Variants in TRABD2B observed in about 807,000 individuals in gnomAD.
TRABD2B encodes the protein metalloprotease TIKI2.
In TRABD2B, 14 loss-of-function variants were observed where a neutral mutation model predicts 40.1. The ratio of observed to expected loss-of-function variants is 0.35; its 90% confidence interval spans 0.23 to 0.55. TRABD2B has a LOEUF of 0.55. Ranked by LOEUF, TRABD2B falls within the 20% of genes least tolerant of loss-of-function variation. The pLI is 0.90. For missense variants in TRABD2B, 541 were observed against 648.6 expected (o/e 0.83, Z 1.80); for synonymous variants, 263 against 277.0 (o/e 0.95, Z 0.50).
At chr1:47,982,906 G>A (rs923363593) in intron 2 of TRABD2B, among the ~76,000 whole-genome samples, 15 of 152,174 alleles carry the variant, frequency 9.9e-5, no homozygotes, top group Non-Finnish European at 1.6e-4. Flanking sequence ...GATGGAAGCA[G>A]AATATTAAAT....
At chr1:47,901,300 T>C (rs1158511114) in intron 2 of TRABD2B, among the ~76,000 whole-genome samples, 1 of 152,214 alleles carries the variant, frequency 6.6e-6, no homozygotes, top group African/African-American at 2.4e-5. Flanking sequence ...GGATCTGCCA[T>C]TATCTTCTCT....
At chr1:47,904,109 GT>G (rs1475598773) in intron 2 of TRABD2B, among the ~76,000 whole-genome samples, 1 of 152,236 alleles carries the variant, frequency 6.6e-6, no homozygotes, top group African/African-American at 2.4e-5. Context: ...AGAAGGAGCT[GT>G]AACAGGGCAC....
At position 47,871,223 on chromosome 1, in the gene TRABD2B, C is replaced by A. The variant is rs187301056; in HGVS notation, c.667-69604G>T. 7.0e-4 allele frequency among the ~76,000 whole-genome samples: 106 copies of A among 152,138 alleles called. 1 individual carries two copies. Among genetic ancestry groups the A allele is most frequent in the African/African-American group, 2.4e-3 (99 of 41,496 alleles). ...AGTTATGAGAGTTACAGGGTGGAAG[C>A]TAGAGAGGTGGGCAGGAGCAGGAGA... On this transcript the variant is annotated intron_variant, in intron 2 of 6. Transcript: ENST00000606738.
chr1:47,847,176 G>A (rs755797072), intron 2 of TRABD2B, among the ~76,000 whole-genome samples: 6 of 152,156 alleles, frequency 3.9e-5, no homozygotes, highest in Admixed American at 6.5e-5. Context: ...TGGGCCTGCC[G>A]CCAAGGTCTT....
intron 2 of TRABD2B, among the ~76,000 whole-genome samples, chr1:47,957,372 TGAGAG>T (rs1645439792): frequency 1.3e-5 from 2 of 152,186 alleles, no homozygotes; most frequent in Admixed American, 6.5e-5. Context: ...TTCGACGAGT[TGAGAG>T]AAGAAGGTGT....
intron 2 of TRABD2B, among the ~76,000 whole-genome samples, chr1:47,882,026 G>A (rs1261277287): frequency 6.6e-6 from 1 of 152,232 alleles, no homozygotes; most frequent in Non-Finnish European, 1.5e-5. Flanking sequence ...TGCCATGTGA[G>A]CGTGTGTGCC....
At position 47,765,951 on chromosome 1, in the gene TRABD2B, G is replaced by A. The variant is rs1302072099; in HGVS notation, c.1505C>T (p.Ala502Val). 2 of 702,854 alleles carry A rather than the reference G, an allele frequency of 2.8e-6. No individual in the cohort carries two copies. The highest frequency in any genetic ancestry group is 5.2e-6 in the Non-Finnish European group (2 of 384,980). 43.5% of individuals were successfully genotyped at this position (702,854 alleles called of 1,614,324 possible). A position where few individuals can be genotyped will look rare whatever the true frequency, so the allele number is the denominator to read the frequency against. ...APTLGLLPAIATTIAVCFLLH... is the reference protein window; with the variant it reads ...APTLGLLPAIVTTIAVCFLLH... ...CAGGAAGCAGACAGCGATGGTGGTG[G>A]CGATGGCGGGGAGAAGGCCCAGGGT... The change falls in exon 7 of 7, where the codon GCC (alanine) becomes GTC (valine). Residue 502 changes from alanine to valine, a missense_variant. Transcript: ENST00000606738.
intron 2 of TRABD2B, among the ~76,000 whole-genome samples, chr1:47,906,923 A>G (rs563992294): frequency 6.6e-6 from 1 of 152,352 alleles, no homozygotes; most frequent in East Asian, 1.9e-4. Context: ...GGCAATAGGC[A>G]CAATGTTAGA....
chr1:47,868,983 G>A (rs1412530372), intron 2 of TRABD2B, among the ~76,000 whole-genome samples: 3 of 152,130 alleles, frequency 2.0e-5, no homozygotes, highest in South Asian at 4.1e-4. Context: ...TGAGCATCAC[G>A]CAGCAGTTAG....
intron 4 of TRABD2B, among the ~76,000 whole-genome samples, chr1:47,793,418 G>T (rs1474846413): frequency 1.3e-5 from 2 of 152,244 alleles, no homozygotes; most frequent in African/African-American, 2.4e-5. Context: ...CCCAGCAGAT[G>T]TGCCTCTGGC....
At chr1:47,926,474 C>T (rs1229769116) in intron 2 of TRABD2B, among the ~76,000 whole-genome samples, 2 of 152,166 alleles carry the variant, frequency 1.3e-5, no homozygotes, top group Non-Finnish European at 1.5e-5. Context: ...GTGCTTCAAC[C>T]CTACTTGATC....
intron 2 of TRABD2B, among the ~76,000 whole-genome samples, chr1:47,855,934 G>A (rs1038487808): frequency 1.3e-5 from 2 of 152,204 alleles, no homozygotes; most frequent in African/African-American, 4.8e-5. Flanking sequence ...CTATCCAGTT[G>A]GTGATATTAT....
intron 6 of TRABD2B, among the ~76,000 whole-genome samples, chr1:47,767,147 G>C (rs569522858): frequency 2.6e-5 from 4 of 152,236 alleles, no homozygotes; most frequent in South Asian, 2.1e-4. Context: ...AGGCTGACAG[G>C]AGACCTGTGG....
chr1:47,958,491 C>G (rs1030933473), intron 2 of TRABD2B, among the ~76,000 whole-genome samples: 1 of 125,598 alleles, frequency 8.0e-6, no homozygotes, highest in Non-Finnish European at 1.7e-5. Flanking sequence ...CACACACAGG[C>G]TCAAAATAAA....
chr1:47,895,224 C>T (rs1053484556), intron 2 of TRABD2B, among the ~76,000 whole-genome samples: 49 of 152,164 alleles, frequency 3.2e-4, no homozygotes, highest in Admixed American at 2.7e-3. Flanking sequence ...GCGGAGGGGA[C>T]GTGGATAGTC....
At chr1:47,876,007 C>T (rs538314877) in intron 2 of TRABD2B, among the ~76,000 whole-genome samples, 2 of 152,222 alleles carry the variant, frequency 1.3e-5, no homozygotes, top group Admixed American at 1.3e-4. Context: ...GTGTCACAAA[C>T]AAAGCCAAGA....
At chr1:47,977,979 A>T (rs1308184886) in intron 2 of TRABD2B, among the ~76,000 whole-genome samples, 3 of 151,936 alleles carry the variant, frequency 2.0e-5, no homozygotes, top group Non-Finnish European at 4.4e-5. Flanking sequence ...ACCCCATTCC[A>T]TCCATCTGGT....
chr1:47,873,689 G>A (rs1033148546), intron 2 of TRABD2B, among the ~76,000 whole-genome samples: 6 of 152,130 alleles, frequency 3.9e-5, no homozygotes, highest in Non-Finnish European at 8.8e-5. Context: ...AGCCATGCAC[G>A]GTCTTGGTGG....
At chr1:47,898,370 T>G (rs1644553771) in intron 2 of TRABD2B, among the ~76,000 whole-genome samples, 1 of 152,184 alleles carries the variant, frequency 6.6e-6, no homozygotes, top group African/African-American at 2.4e-5. Context: ...TGATGTGTGA[T>G]TAGACCTGCT....
Sources: gnomAD v4.1 joint callset for allele counts (sites outside exome capture counted in the v4.1 genomes callset) on GRCh38, gnomAD v4.1.1 for gene constraint, MANE v1.5 for transcripts, NCBI Gene and HGNC (gene_info 2026-07-23, HGNC 2026-07-21) for gene names.